The following FGF14 variants were observed in gnomAD, a reference collection of about 807,000 sequenced individuals.
FGF14 encodes fibroblast growth factor 14.
A neutral mutation model predicts 25.5 loss-of-function variants in FGF14; 5 were observed. The observed-to-expected ratio is 0.20, with a 90% confidence interval of 0.10 to 0.41. FGF14 has a LOEUF of 0.41. Among genes scored for constraint, FGF14 ranks in the 10% least tolerant of loss-of-function variants. The probability of loss-of-function intolerance (pLI) is 1.00; values close to 1 mark genes in which losing one functional copy is unlikely to be tolerated. For synonymous variants in FGF14, 138 were observed against 118.3 expected (o/e 1.17, Z -1.08); for missense variants, 222 against 320.1 (o/e 0.69, Z 2.34).
intron 1 of FGF14, among the ~76,000 whole-genome samples, chr13:102,008,419 T>C (rs541292897): frequency 6.6e-6 from 1 of 152,356 alleles, no homozygotes; most frequent in Non-Finnish European, 1.5e-5. Context: ...AGTGCTATTC[T>C]GCACTTCCTA....
At chr13:102,136,013 T>C (rs1463966025) in intron 1 of FGF14, among the ~76,000 whole-genome samples, 1 of 152,174 alleles carries the variant, frequency 6.6e-6, no homozygotes, top group African/African-American at 2.4e-5. Flanking sequence ...TTTACATATC[T>C]TGATGCATTT....
chr13:102,252,136 T>G (rs138601575), intron 1 of FGF14, among the ~76,000 whole-genome samples: 2 of 151,990 alleles, frequency 1.3e-5, no homozygotes, highest in African/African-American at 2.4e-5. Flanking sequence ...TGCAACCAAA[T>G]AGAAAAAGAA....
chr13:102,351,844 C>G (rs1014632733), intron 1 of FGF14, among the ~76,000 whole-genome samples: 2 of 152,212 alleles, frequency 1.3e-5, no homozygotes, highest in Admixed American at 1.3e-4. Context: ...AAGCCACATT[C>G]AGTTGCCTCT....
intron 1 of FGF14, among the ~76,000 whole-genome samples, chr13:101,940,667 C>A (rs903042981): frequency 2.0e-5 from 3 of 152,148 alleles, no homozygotes; most frequent in African/African-American, 7.2e-5. Flanking sequence ...CTTTAGACCT[C>A]ACCTATTTTC....
intron 1 of FGF14, among the ~76,000 whole-genome samples, chr13:102,080,167 G>A (rs749573231): frequency 7.9e-5 from 12 of 152,100 alleles, no homozygotes; most frequent in Non-Finnish European, 1.2e-4. Context: ...GCTCATCCTC[G>A]TTTCTACTTA....
At chr13:102,273,452 C>T (rs148141351) in intron 1 of FGF14, among the ~76,000 whole-genome samples, 79 of 152,220 alleles carry the variant, frequency 5.2e-4, no homozygotes, top group African/African-American at 1.7e-3. Flanking sequence ...CCCCTCAAAA[C>T]GACTCAAGGC....
chr13:102,176,709 T>C (rs1356319257), intron 1 of FGF14, among the ~76,000 whole-genome samples: 1 of 152,124 alleles, frequency 6.6e-6, no homozygotes, highest in African/African-American at 2.4e-5. Context: ...ATGCTAAGTG[T>C]TCCTACCATA....
rs562222337 is a variant in FGF14 at position 102,004,769 on chromosome 13, C to T, written c.209-129473G>A. On this transcript the variant is annotated intron_variant, in intron 1 of 4. Coordinates refer to the FGF14 transcript ENST00000376131. Reference sequence around the variant, plus strand: ...GGTAATTGAATCATGGGGGCTGTAACCCCCATGCTGCTGTTCTCATGATAG... The same window carrying T: ...GGTAATTGAATCATGGGGGCTGTAATCCCCATGCTGCTGTTCTCATGATAG... 3.3e-5 allele frequency among the ~76,000 whole-genome samples: 5 copies of T among 152,220 alleles called. No homozygotes were observed. In the East Asian group the frequency reaches 9.7e-4, roughly 29 times the overall value.
At chr13:102,059,666 C>T (rs895923978) in intron 1 of FGF14, among the ~76,000 whole-genome samples, 2 of 152,042 alleles carry the variant, frequency 1.3e-5, no homozygotes, top group East Asian at 1.9e-4. Context: ...GCATGGCCAA[C>T]GTGGTGAAAC....
chr13:101,733,959 T>C (rs1211136336), intron 3 of FGF14, among the ~76,000 whole-genome samples: 1 of 151,858 alleles, frequency 6.6e-6, no homozygotes, highest in Non-Finnish European at 1.5e-5. Flanking sequence ...ATATGTATTA[T>C]ATATTTTAAA....
intron 3 of FGF14, among the ~76,000 whole-genome samples, chr13:101,812,593 T>A (rs2041580400): frequency 7.8e-6 from 1 of 128,638 alleles, no homozygotes; most frequent in Non-Finnish European, 1.6e-5. Flanking sequence ...ATATCACTAT[T>A]TTTTTATATT....
intron 1 of FGF14, among the ~76,000 whole-genome samples, chr13:102,194,596 G>A (rs981584245): frequency 6.6e-6 from 1 of 152,034 alleles, no homozygotes; most frequent in African/African-American, 2.4e-5. Flanking sequence ...AATGAACAAA[G>A]TCTCCAATGT....
At chr13:102,148,595 G>T (rs2046950277) in intron 1 of FGF14, among the ~76,000 whole-genome samples, 1 of 152,146 alleles carries the variant, frequency 6.6e-6, no homozygotes, top group Admixed American at 6.6e-5. Flanking sequence ...GATTGCCTGA[G>T]CTCAGTAGCT....
At chr13:101,874,364 T>G (rs1316829860) in intron 2 of FGF14, among the ~76,000 whole-genome samples, 1 of 152,154 alleles carries the variant, frequency 6.6e-6, no homozygotes, top group African/African-American at 2.4e-5. Context: ...CCACCGATAA[T>G]GTTTCTTATG....
chr13:101,878,211 A>G (rs933425952), intron 1 of FGF14, among the ~76,000 whole-genome samples: 1 of 151,716 alleles, frequency 6.6e-6, no homozygotes, highest in Non-Finnish European at 1.5e-5. Context: ...TGTTCCCTTA[A>G]CCTTATCTGT....
At chr13:102,376,246 G>A (rs1480778697) in intron 1 of FGF14, among the ~76,000 whole-genome samples, 1 of 152,044 alleles carries the variant, frequency 6.6e-6, no homozygotes, top group African/African-American at 2.4e-5. Flanking sequence ...TTTATACATG[G>A]CAGTTTCCCT....
intron 3 of FGF14, among the ~76,000 whole-genome samples, chr13:101,746,378 T>G (rs1329950147): frequency 6.6e-6 from 1 of 152,032 alleles, no homozygotes; most frequent in Non-Finnish European, 1.5e-5. Context: ...TATCTTGTTC[T>G]CAGTCTCAAT....
chr13:102,121,333 C>T (rs995940894), intron 1 of FGF14, among the ~76,000 whole-genome samples: 1 of 152,092 alleles, frequency 6.6e-6, no homozygotes, highest in Non-Finnish European at 1.5e-5. Context: ...ATCTCCTTTG[C>T]CCAAGGGACC....
rs949366399 is a variant in FGF14, at chr13:102,400,921, C to A, written c.208+550G>T. 7.2e-5 allele frequency among the ~76,000 whole-genome samples: 11 copies of A among 152,036 alleles called. No individual in the cohort carries two copies. Among genetic ancestry groups the A allele is most frequent in the African/African-American group, 2.7e-4 (11 of 41,418 alleles). On this transcript the variant is annotated intron_variant, in intron 1 of 4. Coordinates refer to the FGF14 transcript ENST00000376131. The surrounding 1 kb of genome is among the most constrained non-coding windows in gnomAD (Gnocchi z 4.3). ...GGGGGAATGAGTTAATGCTCGGGCA[C>A]CCGGAGCTGGACGGGGGAGGGACGC...
Sources: allele counts gnomAD v4.1 joint callset (sites outside exome capture counted in the v4.1 genomes callset), GRCh38; gene constraint gnomAD v4.1.1; non-coding constraint Gnocchi (gnomAD v3.1); transcripts MANE v1.5; gene names NCBI Gene and HGNC (gene_info 2026-07-23, HGNC 2026-07-21).